MSI2: variants seen among roughly 807,000 people sequenced by gnomAD.
The protein encoded by MSI2 is musashi RNA binding protein 2, also known as RNA-binding protein Musashi homolog 2.
Under a neutral mutation model 45.6 loss-of-function variants are expected in MSI2, and 17 were observed. The ratio of observed to expected loss-of-function variants is 0.37; its 90% confidence interval spans 0.26 to 0.56. MSI2 has a LOEUF of 0.56. MSI2 is among the 20% of genes least tolerant of loss of function. MSI2 has a pLI of 0.77. For synonymous variants in MSI2, 156 were observed against 158.2 expected, an observed-to-expected ratio of 0.99 and a Z score of 0.11; for missense variants, 293 against 444.2, an observed-to-expected ratio of 0.66 and a Z score of 3.06.
chr17:57,676,777 G>A (rs760947498), intron 12 of MSI2, among the ~76,000 whole-genome samples: 8 of 152,250 alleles, frequency 5.3e-5, no homozygotes, highest in Non-Finnish European at 1.0e-4. Flanking sequence ...GGGGTAAGCA[G>A]ATAGGCTTGG....
chr17:57,593,278 C>T (rs1904996924), intron 7 of MSI2, among the ~76,000 whole-genome samples: 1 of 152,216 alleles, frequency 6.6e-6, no homozygotes, highest in Admixed American at 6.5e-5. Flanking sequence ...TATTAGTTTT[C>T]TGTGGCTGCC....
chr17:57,309,012 C>G (rs1912147205), intron 5 of MSI2, among the ~76,000 whole-genome samples: 1 of 152,182 alleles, frequency 6.6e-6, no homozygotes, highest in South Asian at 2.1e-4. Flanking sequence ...CCTGTATTTT[C>G]ATCAGCATGA....
At chr17:57,458,818 T>G (rs1453179858) in intron 6 of MSI2, among the ~76,000 whole-genome samples, 1 of 152,206 alleles carries the variant, frequency 6.6e-6, no homozygotes, top group South Asian at 2.1e-4. Context: ...GGTTCACAGG[T>G]GGGAGGGTGC....
intron 6 of MSI2, among the ~76,000 whole-genome samples, chr17:57,458,933 T>C (rs2085170242): frequency 1.3e-5 from 2 of 152,228 alleles, no homozygotes; most frequent in Admixed American, 1.3e-4. Context: ...TTTGGGTAAC[T>C]ATGGCAGATC....
chr17:57,449,624 C>T (rs1338357612), intron 6 of MSI2: 4 of 152,156 alleles, frequency 2.6e-5, no homozygotes, highest in African/African-American at 9.7e-5. Context: ...AGTTCACTTA[C>T]TGACTAGAAA....
At chr17:57,367,269 C>T (rs1008100842) in intron 5 of MSI2, among the ~76,000 whole-genome samples, 2 of 152,122 alleles carry the variant, frequency 1.3e-5, no homozygotes, top group African/African-American at 4.8e-5. Context: ...GTGTGTTTTT[C>T]TGAATTGTGA....
At chr17:57,695,609 C>T in the MSI2 span, among the ~76,000 whole-genome samples, 5 of 152,030 alleles carry the variant, frequency 3.3e-5, no homozygotes, top group Non-Finnish European at 2.9e-5. Flanking sequence ...CATCAGGAAA[C>T]CAGAAGCAGA....
intron 5 of MSI2, among the ~76,000 whole-genome samples, chr17:57,272,854 A>G (rs552428764): frequency 1.3e-4 from 20 of 152,314 alleles, no homozygotes; most frequent in African/African-American, 4.3e-4. Context: ...ATAGCCAGAT[A>G]GGGCCTGGTG....
At chr17:57,290,619 T>C (rs1361384319) in intron 5 of MSI2, among the ~76,000 whole-genome samples, 1 of 152,256 alleles carries the variant, frequency 6.6e-6, no homozygotes, top group Non-Finnish European at 1.5e-5. Flanking sequence ...GGCCTGGTTA[T>C]ATTATTCTAT....
Position 57,257,081 on chromosome 17 carries a change from A to C in MSI2, c.63-17A>C, listed in dbSNP as rs1175592041. ...TCTGACATCGGTGCTCACTTCTGTT[A>C]TGTTTTCTCCCTCTAGTAAAATGTT... On this transcript the variant is annotated splice_polypyrimidine_tract_variant and intron_variant, in intron 1 of 13. Transcript: ENST00000284073. 3 of 1,356,076 alleles carry C rather than the reference A, an allele frequency of 2.2e-6. No homozygotes were observed. Among genetic ancestry groups the C allele is most frequent in the Non-Finnish European group, 2.9e-6 (3 of 1,022,918 alleles). The allele number at this position is 1,356,076 out of a possible 1,614,324, so 84.0% of individuals were successfully genotyped here. A position where few individuals can be genotyped will look rare whatever the true frequency, so the allele number is the denominator to read the frequency against.
At chr17:57,270,332 G>A (rs937405808) in intron 5 of MSI2, among the ~76,000 whole-genome samples, 1 of 152,164 alleles carries the variant, frequency 6.6e-6, no homozygotes, top group South Asian at 2.1e-4. Context: ...TAGAACCATA[G>A]AACTAGTAAG....
chr17:57,633,203 T>C (rs1909561397), intron 10 of MSI2: 1 of 1,011,482 alleles, frequency 9.9e-7, no homozygotes, highest in African/African-American at 1.7e-5. Flanking sequence ...TGCTGCCGTC[T>C]CTTAGCCTGA....
chr17:57,447,703 G>T (rs2084926120), intron 6 of MSI2, among the ~76,000 whole-genome samples: 1 of 152,118 alleles, frequency 6.6e-6, no homozygotes, highest in Non-Finnish European at 1.5e-5. Context: ...CCTGAGGAGT[G>T]CACGACCCAG....
intron 7 of MSI2, among the ~76,000 whole-genome samples, chr17:57,588,967 T>C (rs563252714): frequency 3.3e-5 from 5 of 152,310 alleles, no homozygotes; most frequent in African/African-American, 9.6e-5. Context: ...GGGGTGAAGA[T>C]TGAGTTACAG....
At chr17:57,636,747 G>A (rs1028040002) in intron 10 of MSI2, among the ~76,000 whole-genome samples, 1 of 152,148 alleles carries the variant, frequency 6.6e-6, no homozygotes, top group African/African-American at 2.4e-5. Context: ...CCCCAGAAAT[G>A]CCCTCACTAG....
chr17:57,632,603 T>C, intron 10 of MSI2: 1 of 1,066,220 alleles, frequency 9.4e-7, no homozygotes, highest in Non-Finnish European at 1.1e-6. Context: ...GGGCCCATCC[T>C]GATCAGGCCC....
chr17:57,586,810 C>T (rs1447498520), intron 7 of MSI2, among the ~76,000 whole-genome samples: 4 of 150,598 alleles, frequency 2.7e-5, no homozygotes, highest in Non-Finnish European at 5.9e-5. Context: ...GCCAGGAGTT[C>T]GAGAGCAGCC....
intron 5 of MSI2, among the ~76,000 whole-genome samples, chr17:57,320,331 C>A (rs1913228643): frequency 1.3e-5 from 2 of 152,038 alleles, no homozygotes; most frequent in South Asian, 2.1e-4. Flanking sequence ...CTGCTTTTTG[C>A]CTCTCTTGGG....
At chr17:57,382,433 G>A (rs1196738122) in intron 5 of MSI2, among the ~76,000 whole-genome samples, 1 of 152,150 alleles carries the variant, frequency 6.6e-6, no homozygotes, top group African/African-American at 2.4e-5. Flanking sequence ...AAGACTTGAG[G>A]GTCTGAGAAT....
Sources: allele counts gnomAD v4.1 joint callset (sites outside exome capture counted in the v4.1 genomes callset), GRCh38; gene constraint gnomAD v4.1.1; transcripts MANE v1.5; gene names NCBI Gene and HGNC (gene_info 2026-07-23, HGNC 2026-07-21).